Variants in TENM3 observed in about 807,000 individuals in gnomAD.
TENM3 encodes teneurin transmembrane protein 3.
A neutral mutation model predicts 255.1 loss-of-function variants in TENM3; 63 were observed. The ratio of observed to expected loss-of-function variants is 0.25; its 90% CI spans 0.20 to 0.30. The LOEUF is 0.30. TENM3 is among the 10% of genes least tolerant of loss of function. TENM3 has a pLI of 1.00. For synonymous variants in TENM3, 1,306 were observed against 1,322.3 expected, an observed-to-expected ratio of 0.99 and a Z score of 0.27; for missense variants, 2,929 against 3,461.1, an observed-to-expected ratio of 0.85 and a Z score of 3.86.
At chr4:182,400,280 C>G (rs889641113) in intron 3 of TENM3, among the ~76,000 whole-genome samples, 2 of 152,158 alleles carry the variant, frequency 1.3e-5, no homozygotes, top group East Asian at 1.9e-4. Context: ...AAAATTTTCT[C>G]TACTGAAATT....
intron 3 of TENM3, among the ~76,000 whole-genome samples, chr4:182,350,987 A>G (rs914057022): frequency 2.6e-5 from 4 of 152,062 alleles, no homozygotes; most frequent in African/African-American, 7.2e-5. Flanking sequence ...CCGGCCACTG[A>G]CGTGTTGTTA....
chr4:181,641,541 C>A, the TENM3 span, among the ~76,000 whole-genome samples: 2 of 41,590 alleles, frequency 4.8e-5, no homozygotes, highest in Non-Finnish European at 8.7e-5. Context: ...GCATAGTATT[C>A]CATGGTGTGT....
intron 22 of TENM3, among the ~76,000 whole-genome samples, chr4:182,762,165 T>G (rs1291292916): frequency 6.6e-6 from 1 of 152,226 alleles, no homozygotes; most frequent in African/African-American, 2.4e-5. Context: ...ATCGGCTGTG[T>G]CCCTGGAGTG....
At chr4:181,485,795 C>G in the TENM3 span, among the ~76,000 whole-genome samples, 2 of 152,048 alleles carry the variant, frequency 1.3e-5, no homozygotes, top group Admixed American at 6.6e-5. Context: ...AAAAGCAATG[C>G]CTACTGCATC....
At chr4:181,716,991 C>T in the TENM3 span, among the ~76,000 whole-genome samples, 4 of 152,234 alleles carry the variant, frequency 2.6e-5, no homozygotes, top group East Asian at 1.9e-4. Flanking sequence ...TAAGCAGAAG[C>T]GCAGAATGTA....
chr4:182,358,682 C>T (rs1443249659), intron 3 of TENM3, among the ~76,000 whole-genome samples: 4 of 149,788 alleles, frequency 2.7e-5, no homozygotes, highest in African/African-American at 9.9e-5. Context: ...AATTTGACTT[C>T]CTCTTTTCCT....
At chr4:182,231,284 A>C (rs1756560127) in intron 1 of TENM3, among the ~76,000 whole-genome samples, 1 of 152,120 alleles carries the variant, frequency 6.6e-6, no homozygotes, top group South Asian at 2.1e-4. Flanking sequence ...AAGTCCTACC[A>C]GACCAAAAAG....
intron 3 of TENM3, among the ~76,000 whole-genome samples, chr4:182,485,859 A>G (rs983106448): frequency 3.9e-5 from 6 of 152,178 alleles, no homozygotes; most frequent in African/African-American, 1.4e-4. Context: ...ATTGTAGAGT[A>G]TGACACTGGT....
intron 1 of TENM3, among the ~76,000 whole-genome samples, chr4:182,194,406 A>G (rs1337582636): frequency 6.6e-6 from 1 of 152,204 alleles, no homozygotes; most frequent in Admixed American, 6.5e-5. Context: ...GGTTACCGGA[A>G]TATATTCTGA....
At chr4:181,567,013 G>A in the TENM3 span, among the ~76,000 whole-genome samples, 1 of 152,208 alleles carries the variant, frequency 6.6e-6, no homozygotes, top group Non-Finnish European at 1.5e-5. Context: ...ACCTGGGCAT[G>A]AAGTCATTCC....
chr4:182,327,473 A>G (rs1176322959), intron 2 of TENM3, among the ~76,000 whole-genome samples: 1 of 151,634 alleles, frequency 6.6e-6, no homozygotes, highest in Non-Finnish European at 1.5e-5. Context: ...TGATGTTTTT[A>G]TATTTTTAAT....
the TENM3 span, among the ~76,000 whole-genome samples, chr4:181,804,499 A>G: frequency 6.6e-6 from 1 of 152,342 alleles, no homozygotes; most frequent in East Asian, 1.9e-4. Flanking sequence ...TAAGGTATAC[A>G]CAGAAGGAGA....
At position 182,681,875 on chromosome 4, in the gene TENM3, C is replaced by A. The variant is rs751336139; in HGVS notation, c.1896C>A (p.Cys632Ter). Residue 632 changes from cysteine (C) to a stop codon, truncating the protein, a stop_gained, in exon 11 of 28, where the codon TGC becomes TGA. Coordinates refer to ENST00000511685, the MANE Select transcript of TENM3 (RefSeq NM_001080477.4). LOFTEE classifies it high-confidence loss of function. ...TGTGTATCCACGGGGAATGTCACTGCAGTCCAGGATGGGGAGGTAGCAATT... is the reference window on the plus strand; with the variant it reads ...TGTGTATCCACGGGGAATGTCACTGAAGTCCAGGATGGGGAGGTAGCAATT... ...HGVCIHGECH[C>*]SPGWGGSNCE... is the part of the protein sequence containing the mutation. The A allele has an allele frequency of 6.2e-7, 1 of 1,613,906 alleles. No homozygotes were observed.
chr4:182,136,431 G>C, the TENM3 span, among the ~76,000 whole-genome samples: 5 of 152,204 alleles, frequency 3.3e-5, no homozygotes, highest in African/African-American at 1.2e-4. Flanking sequence ...CTGGGTGATG[G>C]AAGGGTAGAG....
At chr4:182,493,992 A>T (rs1257521744) in intron 3 of TENM3, among the ~76,000 whole-genome samples, 1 of 152,188 alleles carries the variant, frequency 6.6e-6, no homozygotes, top group South Asian at 2.1e-4. Context: ...TAAAACTAGT[A>T]TGCAGGTCTA....
At chr4:182,101,498 G>A in the TENM3 span, among the ~76,000 whole-genome samples, 12 of 152,022 alleles carry the variant, frequency 7.9e-5, no homozygotes, top group South Asian at 8.3e-4. Flanking sequence ...CCTTCCTTAC[G>A]GGATCTGAAT....
chr4:181,563,318 C>T, the TENM3 span, among the ~76,000 whole-genome samples: 1 of 152,162 alleles, frequency 6.6e-6, no homozygotes, highest in South Asian at 2.1e-4. Flanking sequence ...TGATCTCTGG[C>T]TTCATCTGTA....
chr4:182,081,270 A>G, the TENM3 span, among the ~76,000 whole-genome samples: 1 of 152,108 alleles, frequency 6.6e-6, no homozygotes, highest in Admixed American at 6.5e-5. Flanking sequence ...TGTGGGCACC[A>G]AGTGCTTCAA....
chr4:181,908,893 T>C, the TENM3 span, among the ~76,000 whole-genome samples: 4 of 152,362 alleles, frequency 2.6e-5, no homozygotes, highest in East Asian at 7.7e-4. Context: ...ATTTGGCCTG[T>C]GGGAAAAAGA....
Sources: gnomAD v4.1 joint callset for allele counts (sites outside exome capture counted in the v4.1 genomes callset) on GRCh38, gnomAD v4.1.1 for gene constraint, MANE v1.5 for transcripts, NCBI Gene and HGNC (gene_info 2026-07-23, HGNC 2026-07-21) for gene names.